DENND2A: variants seen among roughly 807,000 people sequenced by gnomAD.
The protein encoded by DENND2A is DENN domain-containing protein 2A.
In DENND2A, 53 loss-of-function variants were observed where a neutral mutation model predicts 105.3. The ratio of observed to expected loss-of-function variants is 0.50; its 90% CI spans 0.40 to 0.63. The LOEUF is 0.63. Ranked by LOEUF, DENND2A falls within the 30% of genes least tolerant of loss-of-function variation. The pLI, the probability that DENND2A is intolerant of heterozygous loss-of-function variation, is 0.00. For synonymous variants in DENND2A, 522 were observed against 508.4 expected (o/e 1.03, Z -0.36); for missense variants, 1,138 against 1,279.6 (o/e 0.89, Z 1.69).
chr7:140,566,064 G>C, intron 9 of DENND2A, among the ~76,000 whole-genome samples: 1 of 152,128 alleles, frequency 6.6e-6, no homozygotes, highest in African/African-American at 2.4e-5. Flanking sequence ...TGTCTATGGA[G>C]TAGCCATTCT....
intron 1 of DENND2A, among the ~76,000 whole-genome samples, chr7:140,606,911 G>A (rs1799708206): frequency 6.6e-6 from 1 of 152,192 alleles, no homozygotes; most frequent in African/African-American, 2.4e-5. Context: ...TTGGGAAGAA[G>A]TGTCTCCCAA....
Position 140,619,868 on chromosome 7 carries a change from G to T in DENND2A, c.-247-14062C>A, listed in dbSNP as rs566530844. 5.3e-5 allele frequency among the ~76,000 whole-genome samples: 8 copies of T among 151,866 alleles called. No homozygotes were observed. In the South Asian group the frequency reaches 1.7e-3, roughly 32 times the overall value. On this transcript the variant is annotated intron_variant, in intron 1 of 19. Coordinates refer to ENST00000496613, the MANE Select transcript of DENND2A (RefSeq NM_015689.5). ...TAAATGGGTGAATTGTATGGCATGT[G>T]AATTATATCTCAATCAAGCTATTAT...
At chr7:140,586,953 A>T (rs532243857) in intron 4 of DENND2A, among the ~76,000 whole-genome samples, 18 of 152,260 alleles carry the variant, frequency 1.2e-4, no homozygotes, top group Non-Finnish European at 2.5e-4. Context: ...CCGCACCGTA[A>T]GCAGTTGGAG....
At position 140,585,656 on chromosome 7, in the gene DENND2A, A is replaced by G. The variant is rs768968069; in HGVS notation, c.1178T>C (p.Leu393Pro). ...AAAATTCAAGACACACTTCTTTCCC[A>G]GGCAGCGACCATGTAACTCGATGTC... ...YEDIELHGRCLGKKCVLNFPA... is the reference protein window; with the variant it reads ...YEDIELHGRCPGKKCVLNFPA... The change falls in exon 5 of 20, where the codon CTG (leucine) becomes CCG (proline). Residue 393 changes from leucine (L) to proline (P), a missense_variant. By Grantham distance (98) the Leu-to-Pro change is moderately conservative (BLOSUM62 -3). Coordinates refer to ENST00000496613, the MANE Select transcript of DENND2A (RefSeq NM_015689.5). The G allele has an allele frequency of 1.2e-6, 2 of 1,614,108 alleles. No individual in the cohort carries two copies. The highest frequency in any genetic ancestry group is 2.7e-5 in the African/African-American group (2 of 74,932).
chr7:140,562,179 C>T (rs530551874), intron 9 of DENND2A, among the ~76,000 whole-genome samples: 3 of 152,084 alleles, frequency 2.0e-5, no homozygotes, highest in East Asian at 3.9e-4. Context: ...TGAGCCACCG[C>T]GCCCGGCCCG....
In DENND2A at chr7:140,522,017, A is replaced by G. The variant is rs753651444; in HGVS notation, c.2749T>C (p.Phe917Leu). The part of the protein sequence containing the change: ...FVEIVGHYSL[F>L]LTSGEREERT... Reference sequence around the variant, plus strand: ...TCCTCACGCTCGCCCGACGTCAGGAACAAAGAGTAGTGTCCCACAATCTCC... The same window carrying G: ...TCCTCACGCTCGCCCGACGTCAGGAGCAAAGAGTAGTGTCCCACAATCTCC... The change falls in exon 18 of 20, where the codon TTC becomes CTC. Residue 917 changes from phenylalanine (F) to leucine (L), a missense_variant. Around this residue, in one of 2 missense-constraint regions of DENND2A, gnomAD observed 627 missense variants for 779.8 expected, o/e 0.80. Transcript: ENST00000496613. The G allele has an allele frequency of 9.9e-6, 16 of 1,614,242 alleles. No homozygotes were observed. The highest frequency in any genetic ancestry group is 2.2e-5 in the South Asian group (2 of 91,090).
At chr7:140,614,783 A>C (rs982334968) in intron 1 of DENND2A, among the ~76,000 whole-genome samples, 2 of 152,236 alleles carry the variant, frequency 1.3e-5, no homozygotes, top group African/African-American at 2.4e-5. Context: ...AATCAATGTA[A>C]TACAACTCTT....
intron 1 of DENND2A, among the ~76,000 whole-genome samples, chr7:140,606,423 G>A (rs531020105): frequency 3.0e-4 from 46 of 152,112 alleles, no homozygotes; most frequent in South Asian, 6.2e-4. Flanking sequence ...AAATAACAAC[G>A]AGACCCAGTG....
chr7:140,640,758 G>A lies in DENND2A; in HGVS notation c.-502C>T. ...CGGCGCGCTTCCCTCGGCCGGCCCA[G>A]CGCAGGCTCGCCCGCGGCCCCTGCC... On this transcript the variant is annotated 5_prime_UTR_variant, in exon 1 of 20. Transcript: ENST00000496613. The surrounding 1 kb of genome is among the most constrained non-coding windows in gnomAD (Gnocchi z 4.9). The A allele has an allele frequency of 6.8e-6, 1 of 146,708 alleles. No individual in the cohort carries two copies. Among genetic ancestry groups the A allele is most frequent in the East Asian group, 2.1e-4 (1 of 4,766 alleles). 9.1% of individuals were successfully genotyped at this position (146,708 alleles called of 1,614,324 possible). A position where few individuals can be genotyped will look rare whatever the true frequency, so the allele number is the denominator to read the frequency against.
intron 9 of DENND2A, among the ~76,000 whole-genome samples, chr7:140,562,722 G>A (rs373728293): frequency 9.8e-4 from 149 of 152,188 alleles, no homozygotes; most frequent in Middle Eastern, 6.8e-3. Flanking sequence ...TTCCCCTCAG[G>A]CTAGACCAAA....
chr7:140,625,472 G>A (rs1800485742), intron 1 of DENND2A, among the ~76,000 whole-genome samples: 1 of 152,130 alleles, frequency 6.6e-6, no homozygotes, highest in African/African-American at 2.4e-5. Context: ...TTGAGGTCAG[G>A]AGTTTGAGAC....
At chr7:140,542,626 G>A (rs113635938) in intron 14 of DENND2A, among the ~76,000 whole-genome samples, 1 of 142,096 alleles carries the variant, frequency 7.0e-6, no homozygotes, top group Admixed American at 7.4e-5. Context: ...GTGCAATGGC[G>A]CAATCTCAGC....
chr7:140,547,048 G>T (rs975041588), intron 12 of DENND2A, 109 bp from the exon 13 acceptor site: 131 of 1,408,884 alleles, frequency 9.3e-5, no homozygotes, highest in Non-Finnish European at 1.2e-4. Flanking sequence ...TTATGGGGAA[G>T]CCCTGCTTTC....
intron 14 of DENND2A, among the ~76,000 whole-genome samples, chr7:140,542,577 T>G (rs1478734689): frequency 3.3e-5 from 5 of 149,426 alleles, no homozygotes; most frequent in Non-Finnish European, 7.4e-5. Context: ...TTTTTTTTTT[T>G]TTTTTTTTTT....
chr7:140,617,462 T>C (rs1316244769), intron 1 of DENND2A, among the ~76,000 whole-genome samples: 2 of 152,166 alleles, frequency 1.3e-5, no homozygotes, highest in Non-Finnish European at 2.9e-5. Flanking sequence ...CAGTGGCTCA[T>C]GCCTGTAATC....
intron 13 of DENND2A, among the ~76,000 whole-genome samples, chr7:140,546,514 G>T (rs958868625): frequency 2.0e-5 from 3 of 152,332 alleles, no homozygotes; most frequent in Admixed American, 6.5e-5. Flanking sequence ...GCTATTAAAA[G>T]AAATTAAGGA....
intron 1 of DENND2A, among the ~76,000 whole-genome samples, chr7:140,622,378 A>C (rs535032883): frequency 1.3e-5 from 2 of 152,132 alleles, no homozygotes; most frequent in Admixed American, 1.3e-4. Flanking sequence ...CCTGGGCGAC[A>C]GAGCAAGACT....
chr7:140,600,098 C>T (rs1439860226), intron 3 of DENND2A, among the ~76,000 whole-genome samples: 3 of 151,878 alleles, frequency 2.0e-5, no homozygotes, highest in African/African-American at 7.3e-5. Flanking sequence ...AGGTTTGTGG[C>T]CTAAGCAACT....
intron 5 of DENND2A, among the ~76,000 whole-genome samples, chr7:140,574,545 G>T (rs1047192799): frequency 6.6e-6 from 1 of 152,070 alleles, no homozygotes; most frequent in African/African-American, 2.4e-5. Flanking sequence ...ACAAGTGCGA[G>T]GTCACCTGCC....
Sources: gnomAD v4.1 joint callset for allele counts (sites outside exome capture counted in the v4.1 genomes callset) on GRCh38, gnomAD v4.1.1 for gene constraint, gnomAD v4.1.1 regional missense constraint, Gnocchi (gnomAD v3.1) non-coding constraint, MANE v1.5 for transcripts, NCBI Gene and HGNC (gene_info 2026-07-23, HGNC 2026-07-21) for gene names.